DNAH14: variants seen among roughly 807,000 people sequenced by gnomAD.
DNAH14 encodes the protein dynein axonemal heavy chain 14, also known as axonemal beta dynein heavy chain 14.
A neutral mutation model predicts 520.9 loss-of-function variants in DNAH14; 478 were observed. The observed-to-expected ratio is 0.92, with a 90% CI of 0.85 to 0.99. DNAH14 has a LOEUF of 0.99. Ranked by LOEUF, DNAH14 falls within the 50% of genes least tolerant of loss-of-function variation. The pLI, the probability that DNAH14 is intolerant of heterozygous loss-of-function variation, is 0.00. For synonymous variants in DNAH14, 1,581 were observed against 1,757.2 expected, an observed-to-expected ratio of 0.90 and a Z score of 2.51; for missense variants, 4,831 against 5,234.5, an observed-to-expected ratio of 0.92 and a Z score of 2.38.
intron 68 of DNAH14, among the ~76,000 whole-genome samples, chr1:225,339,030 C>T (rs56383639): frequency 0.24 from 36,068 of 151,590 alleles, 4,476 homozygotes; most frequent in East Asian, 0.35. Flanking sequence ...GGCGTGGTGG[C>T]GCACGCCTGT....
chr1:225,086,337 T>C (rs1249146880), intron 21 of DNAH14, among the ~76,000 whole-genome samples: 1 of 151,860 alleles, frequency 6.6e-6, no homozygotes, highest in Non-Finnish European at 1.5e-5. Context: ...GATTTCACTG[T>C]GTTAGCCAGG....
intron 27 of DNAH14, among the ~76,000 whole-genome samples, chr1:225,124,726 G>A (rs1343660586): frequency 1.3e-5 from 2 of 151,898 alleles, no homozygotes; most frequent in African/African-American, 2.4e-5. Context: ...CCATTAATGT[G>A]GCTATTTTGA....
In DNAH14 at chr1:225,043,794, G is replaced by A; in HGVS notation, c.1814+5G>A. The stretch of plus-strand genomic sequence containing the variant: ...GAATAAATACATGTATTATGAGTAA[G>A]TATTAGACATTTTAAAAATTACGAG... On this transcript the variant is annotated splice_donor_5th_base_variant and intron_variant, in intron 14 of 85. Transcript: ENST00000682510. 1.4e-6 allele frequency: 2 copies of A among 1,460,900 alleles called. No individual in the cohort carries two copies. The highest frequency in any genetic ancestry group is 1.2e-5 in the South Asian group (1 of 80,946). 90.5% of individuals were successfully genotyped at this position (1,460,900 alleles called of 1,614,324 possible).
chr1:225,114,791 C>G (rs543459751), intron 23 of DNAH14, among the ~76,000 whole-genome samples: 1 of 152,230 alleles, frequency 6.6e-6, no homozygotes, highest in Admixed American at 6.5e-5. Flanking sequence ...AGTCACTGTG[C>G]TCTCTCTCCC....
intron 21 of DNAH14, among the ~76,000 whole-genome samples, chr1:225,092,073 G>A (rs1432627326): frequency 6.6e-6 from 1 of 152,078 alleles, no homozygotes; most frequent in African/African-American, 2.4e-5. Context: ...GATTTATAAA[G>A]CAAGTTCTTA....
At chr1:225,277,089 AGGGGGGAGGGGGAAAGGGGGAG>A (rs1281981030) in intron 53 of DNAH14, among the ~76,000 whole-genome samples, 2 of 42,814 alleles carry the variant, frequency 4.7e-5, no homozygotes, top group Admixed American at 3.6e-4. Context: ...GGAAATGGCA[AGGGGGGAGGGGGAAAGGGGGAG>A]GGGGGGAGGG....
intron 17 of DNAH14, among the ~76,000 whole-genome samples, chr1:225,057,115 C>T (rs1011547260): frequency 1.3e-5 from 2 of 152,118 alleles, no homozygotes; most frequent in African/African-American, 4.8e-5. Context: ...CTATAAATTA[C>T]CTTGGGCAGT....
chr1:225,137,897 C>T (rs903431870), intron 27 of DNAH14, among the ~76,000 whole-genome samples: 4 of 152,178 alleles, frequency 2.6e-5, no homozygotes, highest in South Asian at 2.1e-4. Context: ...TCAGAGATAG[C>T]GCTGCCCCTC....
chr1:225,064,686 T>G (rs1412294683), intron 17 of DNAH14, among the ~76,000 whole-genome samples: 1 of 152,022 alleles, frequency 6.6e-6, no homozygotes, highest in African/African-American at 2.4e-5. Context: ...TGTGATTCCA[T>G]GTACTCATAT....
chr1:225,068,249 G>GAT (rs1205848386), intron 17 of DNAH14, among the ~76,000 whole-genome samples: 1 of 152,124 alleles, frequency 6.6e-6, no homozygotes, highest in African/African-American at 2.4e-5. Flanking sequence ...TTGAAGATCT[G>GAT]ATAGTTGTAG....
intron 9 of DNAH14, among the ~76,000 whole-genome samples, chr1:225,005,539 C>T (rs1446099064): frequency 6.6e-6 from 1 of 151,926 alleles, no homozygotes; most frequent in Non-Finnish European, 1.5e-5. Flanking sequence ...ATCAGTAAGA[C>T]CAGAAAGGCA....
At chr1:225,298,816 C>T (rs1409347214) in intron 55 of DNAH14, among the ~76,000 whole-genome samples, 1 of 152,210 alleles carries the variant, frequency 6.6e-6, no homozygotes, top group Admixed American at 6.5e-5. Context: ...CTAGAAAGGA[C>T]TCTGGGATTG....
chr1:225,279,967 T>C (rs1302158468), intron 54 of DNAH14, among the ~76,000 whole-genome samples: 2 of 151,050 alleles, frequency 1.3e-5, no homozygotes, highest in Non-Finnish European at 1.5e-5. Context: ...ACTCTTCAAA[T>C]AGAGAATACC....
chr1:224,975,178 TG>T (rs1423195017), intron 8 of DNAH14, among the ~76,000 whole-genome samples: 2 of 151,814 alleles, frequency 1.3e-5, no homozygotes, highest in African/African-American at 4.8e-5. Flanking sequence ...GATATTGGTC[TG>T]AAATTCTCTT....
rs1558426213 is a variant in DNAH14, at chr1:225,335,299, A to ACACGTGTGTATATGCACATATACACG, written c.10080+1793_10080+1794insCACGTGTGTATATGCACATATACACG. On this transcript the variant is annotated intron_variant, in intron 66 of 85. Transcript: ENST00000682510. ...ATTGTGTGTATATGCACATATACAC[A>ACACGTGTGTATATGCACATATACACG]TGTGTACACGTGTGTATATGCACAT... 4.5e-5 allele frequency among the ~76,000 whole-genome samples: 5 copies of ACACGTGTGTATATGCACATATACACG among 111,562 alleles called. 1 individual carries two copies. Among genetic ancestry groups the ACACGTGTGTATATGCACATATACACG allele is most frequent in the African/African-American group, 1.6e-4 (5 of 30,348 alleles). 73.2% of individuals were successfully genotyped at this position (111,562 alleles called of 152,430 possible).
At chr1:225,198,876 CTCTT>C (rs1416316297) in intron 38 of DNAH14, among the ~76,000 whole-genome samples, 1 of 152,110 alleles carries the variant, frequency 6.6e-6, no homozygotes, top group Non-Finnish European at 1.5e-5. Context: ...GGAGGATTCT[CTCTT>C]TCTCTATCTT....
intron 8 of DNAH14, among the ~76,000 whole-genome samples, chr1:224,990,285 A>G (rs1378301136): frequency 2.6e-5 from 4 of 152,194 alleles, no homozygotes; most frequent in African/African-American, 7.2e-5. Flanking sequence ...TAGTTAACAT[A>G]TTTATCACCT....
chr1:225,307,647 C>A (rs377160770), intron 59 of DNAH14, 78 bp downstream of exon 59: 3 of 1,099,764 alleles, frequency 2.7e-6, no homozygotes, highest in Non-Finnish European at 3.8e-6. Context: ...GGCTCTGATA[C>A]CTGACAAAGA....
Position 225,240,595 on chromosome 1 carries a change from A to G in DNAH14, c.6521A>G (p.Asp2174Gly), listed in dbSNP as rs2091909766. ...SVTFKDIEKR[D>G]ENTWYPEKNP... is the part of the protein sequence containing the mutation. The stretch of plus-strand genomic sequence containing the variant: ...CCTTCCATACCTGTCTACCCCAGGG[A>G]TGAAAATACATGGTATCCAGAGAAA... Residue 2174 changes from aspartate to glycine, a missense_variant and splice_region_variant, in exon 43 of 86, where the codon GAT (aspartate) becomes GGT (glycine). Coordinates refer to ENST00000682510, the MANE Select transcript of DNAH14 (RefSeq NM_001367479.1). The G allele has an allele frequency of 1.3e-6, 2 of 1,537,750 alleles. No individual in the cohort carries two copies. Among genetic ancestry groups the G allele is most frequent in the African/African-American group, 2.7e-5 (2 of 72,812 alleles).
Sources: allele counts gnomAD v4.1 joint callset (sites outside exome capture counted in the v4.1 genomes callset), GRCh38; gene constraint gnomAD v4.1.1; transcripts MANE v1.5; gene names NCBI Gene and HGNC (gene_info 2026-07-23, HGNC 2026-07-21).